The following MPPED2 variants were observed in gnomAD, a reference collection of about 807,000 sequenced individuals.
The protein encoded by MPPED2 is metallophosphoesterase domain containing 2.
In MPPED2, 5 loss-of-function variants were observed where a neutral mutation model predicts 33.0. The observed-to-expected ratio is 0.15, with a 90% CI of 0.08 to 0.32. MPPED2 has a LOEUF of 0.32. MPPED2 is among the 10% of genes least tolerant of loss of function. The probability of loss-of-function intolerance (pLI) is 1.00; values close to 1 mark genes in which losing one functional copy is unlikely to be tolerated. For missense variants in MPPED2, 275 were observed against 372.1 expected, an observed-to-expected ratio of 0.74 and a Z score of 2.15; for synonymous variants, 136 against 141.9, an observed-to-expected ratio of 0.96 and a Z score of 0.29.
intron 4 of MPPED2, among the ~76,000 whole-genome samples, chr11:30,449,518 C>A (rs1027225781): frequency 6.8e-6 from 1 of 147,594 alleles, no homozygotes; most frequent in African/African-American, 2.7e-5. Context: ...GTGGCGTGCG[C>A]CTGAGTCCCA....
chr11:30,437,523 A>G (rs1244082237), intron 4 of MPPED2, among the ~76,000 whole-genome samples: 77 of 152,174 alleles, frequency 5.1e-4, no homozygotes, highest in Non-Finnish European at 1.5e-5. Flanking sequence ...TAGGAGAATA[A>G]AAACCTGGCT....
chr11:30,490,569 AT>A (rs1951931782), intron 4 of MPPED2, among the ~76,000 whole-genome samples: 1 of 151,908 alleles, frequency 6.6e-6, no homozygotes, highest in South Asian at 2.1e-4. Flanking sequence ...CATCCCACTT[AT>A]AACATCTTCA....
chr11:30,552,759 C>G (rs7125669), intron 2 of MPPED2, among the ~76,000 whole-genome samples: 42,019 of 152,030 alleles, frequency 0.28, 6,733 homozygotes, highest in East Asian at 0.5. Context: ...GCTATACCCC[C>G]CAAAGGCTTT....
chr11:30,473,733 CCTT>C (rs946589701), intron 4 of MPPED2, among the ~76,000 whole-genome samples: 8 of 152,158 alleles, frequency 5.3e-5, no homozygotes, highest in Non-Finnish European at 8.8e-5. Flanking sequence ...TCTTTCTGCT[CCTT>C]CTGATTCAAG....
chr11:30,472,848 A>G (rs1951008889), intron 4 of MPPED2, among the ~76,000 whole-genome samples: 1 of 152,218 alleles, frequency 6.6e-6, no homozygotes, highest in South Asian at 2.1e-4. Flanking sequence ...AACAATGTAC[A>G]TGTACTTAAT....
intron 2 of MPPED2, among the ~76,000 whole-genome samples, chr11:30,546,181 G>C (rs1955416803): frequency 6.6e-6 from 1 of 152,170 alleles, no homozygotes; most frequent in South Asian, 2.1e-4. Context: ...AAACAATAGA[G>C]ACATGCCTAA....
At chr11:30,523,658 G>A (rs534582155) in intron 3 of MPPED2, among the ~76,000 whole-genome samples, 17 of 121,888 alleles carry the variant, frequency 1.4e-4, no homozygotes, top group East Asian at 9.1e-4. Context: ...ACGGAGTTTC[G>A]CTCTTGTTGC....
intron 2 of MPPED2, among the ~76,000 whole-genome samples, chr11:30,571,705 CA>C (rs1956699931): frequency 6.6e-6 from 1 of 152,096 alleles, no homozygotes; most frequent in Non-Finnish European, 1.5e-5. Flanking sequence ...ATAGATCTTC[CA>C]AGACTCAGTA....
intron 4 of MPPED2, among the ~76,000 whole-genome samples, chr11:30,473,348 C>G (rs1158569320): frequency 6.6e-6 from 1 of 152,244 alleles, no homozygotes; most frequent in African/African-American, 2.4e-5. Flanking sequence ...GCATTAGTAA[C>G]CATGAACATA....
chr11:30,403,620 T>C (rs912564276), intron 6 of MPPED2, among the ~76,000 whole-genome samples: 1 of 152,332 alleles, frequency 6.6e-6, no homozygotes, highest in East Asian at 1.9e-4. Context: ...CCAGGATCTC[T>C]ATGCCATTTG....
intron 6 of MPPED2, among the ~76,000 whole-genome samples, chr11:30,390,692 A>G (rs1474039276): frequency 1.3e-5 from 2 of 152,214 alleles, no homozygotes; most frequent in Admixed American, 6.5e-5. Flanking sequence ...ACTTATTGTT[A>G]TATCTTTTAG....
At position 30,458,914 on chromosome 11, in the gene MPPED2, CTTTTTTTTTTT is replaced by C. The variant is rs71060450; in HGVS notation, c.536+36371_536+36381del. On this transcript the variant is annotated intron_variant, in intron 4 of 6. Coordinates refer to ENST00000358117, the MANE Select transcript of MPPED2 (RefSeq NM_001584.3). Reference sequence around the variant, plus strand: ...TTTTTTAGGACAATTTTGCACAGTTCTTTTTTTTTTTTTTTTTTTTTTTTTTTTTGAGACGG... The same window carrying C: ...TTTTTTAGGACAATTTTGCACAGTTCTTTTTTTTTTTTTTTTTTGAGACGG... Among the ~76,000 whole-genome samples the C allele has an allele frequency of 4.3e-4, 28 of 64,542 alleles. 1 individual carries two copies. Among genetic ancestry groups the C allele is most frequent in the Admixed American group, 8.2e-4 (4 of 4,864 alleles). The allele number at this position is 64,542 out of a possible 152,430, so 42.3% of individuals were successfully genotyped here.
chr11:30,412,256 A>C (rs1371673048), intron 6 of MPPED2, among the ~76,000 whole-genome samples: 2 of 149,814 alleles, frequency 1.3e-5, no homozygotes, highest in Non-Finnish European at 1.5e-5. Context: ...TAGATCAAGC[A>C]AAAACACTTC....
intron 3 of MPPED2, among the ~76,000 whole-genome samples, chr11:30,511,965 T>C (rs1000356241): frequency 3.9e-5 from 6 of 152,240 alleles, no homozygotes; most frequent in South Asian, 2.1e-4. Context: ...TGGGTGTGGT[T>C]TGGAATAGTT....
At chr11:30,386,585 G>A (rs746385920) in exon 7 of MPPED2, 6 of 396,888 alleles carry the variant, frequency 1.5e-5, no homozygotes, top group Non-Finnish European at 2.7e-5. Flanking sequence ...AGCAAAAACA[G>A]ACTAACACAT....
intron 2 of MPPED2, among the ~76,000 whole-genome samples, chr11:30,550,959 A>G (rs577627352): frequency 6.6e-6 from 1 of 152,312 alleles, no homozygotes; most frequent in South Asian, 2.1e-4. Context: ...CCTGCCTGCT[A>G]TTCCCTTCCA....
chr11:30,540,334 C>G (rs900266947), intron 2 of MPPED2, among the ~76,000 whole-genome samples: 3 of 152,172 alleles, frequency 2.0e-5, no homozygotes, highest in Non-Finnish European at 4.4e-5. Context: ...CTGAAATCCA[C>G]TCCACAACTT....
At chr11:30,402,081 A>G (rs1486911519) in intron 6 of MPPED2, among the ~76,000 whole-genome samples, 1 of 152,114 alleles carries the variant, frequency 6.6e-6, no homozygotes, top group African/African-American at 2.4e-5. Context: ...GGGTTATGGA[A>G]GGAGAATGTC....
intron 2 of MPPED2, among the ~76,000 whole-genome samples, chr11:30,563,082 C>T (rs1956300828): frequency 6.6e-6 from 1 of 152,052 alleles, no homozygotes; most frequent in African/African-American, 2.4e-5. Flanking sequence ...TCCCTGCATC[C>T]CATGCTACTT....
Sources: gnomAD v4.1 joint callset for allele counts (sites outside exome capture counted in the v4.1 genomes callset) on GRCh38, gnomAD v4.1.1 for gene constraint, MANE v1.5 for transcripts, NCBI Gene and HGNC (gene_info 2026-07-23, HGNC 2026-07-21) for gene names.